The following PCGF3 variants were observed in gnomAD, a reference collection of about 807,000 sequenced individuals.
The protein encoded by PCGF3 is polycomb group ring finger 3, also known as polycomb group RING finger protein 3.
In PCGF3, 7 loss-of-function variants were observed where a neutral mutation model predicts 33.1. The observed-to-expected ratio is 0.21, with a 90% CI of 0.12 to 0.40. The LOEUF is 0.40. Among genes scored for constraint, PCGF3 ranks in the 10% least tolerant of loss-of-function variants. The pLI, the probability that PCGF3 is intolerant of heterozygous loss-of-function variation, is 1.00. For missense variants in PCGF3, 211 were observed against 313.3 expected (o/e 0.67, Z 2.46); for synonymous variants, 153 against 121.3 (o/e 1.26, Z -1.72).
At position 740,254 on chromosome 4, in the gene PCGF3, G is replaced by A. The variant is rs562649218; in HGVS notation, c.262+2733G>A. On this transcript the variant is annotated intron_variant, in intron 6 of 10. Transcript: ENST00000362003. ...GTCCTGCCCCTCCCACCTGGACTCC[G>A]GGCAGGCCCTCAACGCTGTCCCCGC... Among the ~76,000 whole-genome samples the A allele has an allele frequency of 6.4e-4, 98 of 152,342 alleles. 2 individuals are homozygous for A. In the South Asian group the frequency reaches 0.02, roughly 31 times the overall value.
intron 8 of PCGF3, among the ~76,000 whole-genome samples, chr4:752,726 C>CT (rs1487778901): frequency 6.6e-6 from 1 of 152,208 alleles, no homozygotes; most frequent in African/African-American, 2.4e-5. Flanking sequence ...CGGTTCCAGG[C>CT]CCCCGGGGTC....
At chr4:755,015 T>C (rs1744705171) in intron 8 of PCGF3, among the ~76,000 whole-genome samples, 1 of 152,236 alleles carries the variant, frequency 6.6e-6, no homozygotes, top group South Asian at 2.1e-4. Context: ...GGCCGATGTG[T>C]AGCCATAGAC....
At chr4:750,957 CTG>C (rs1390067577) in intron 8 of PCGF3, among the ~76,000 whole-genome samples, 2 of 152,134 alleles carry the variant, frequency 1.3e-5, no homozygotes, top group African/African-American at 4.8e-5. Context: ...TTTGTTTCAG[CTG>C]TGTTACGGAG....
At chr4:734,510 A>G (rs1743750749) in intron 4 of PCGF3, 1 of 1,209,532 alleles carries the variant, frequency 8.3e-7, no homozygotes, top group Non-Finnish European at 1.0e-6. Flanking sequence ...GTATTTTTAG[A>G]TATTGGTTAG....
At chr4:756,871 C>T (rs893155444) in intron 8 of PCGF3, among the ~76,000 whole-genome samples, 3 of 152,012 alleles carry the variant, frequency 2.0e-5, no homozygotes, top group Non-Finnish European at 2.9e-5. Context: ...ACTGCCATGG[C>T]GATGATCGAG....
intron 3 of PCGF3, among the ~76,000 whole-genome samples, chr4:732,772 C>T (rs1743655310): frequency 6.6e-6 from 1 of 152,230 alleles, no homozygotes; most frequent in Admixed American, 6.5e-5. Flanking sequence ...TGCTGCTCCC[C>T]TGGTGAAAGG....
At chr4:760,291 C>T (rs1026547706) in intron 8 of PCGF3, among the ~76,000 whole-genome samples, 1 of 152,134 alleles carries the variant, frequency 6.6e-6, no homozygotes, top group Non-Finnish European at 1.5e-5. Context: ...GGGCTCCCGT[C>T]TTCTCCCCTT....
At chr4:737,411 A>G in intron 5 of PCGF3, 55 bp from the exon 6 acceptor site, 16 of 1,163,050 alleles carry the variant, frequency 1.4e-5, no homozygotes, top group Non-Finnish European at 1.9e-5. Flanking sequence ...GAAAGTGTAC[A>G]AGAATTATAG....
intron 8 of PCGF3, among the ~76,000 whole-genome samples, chr4:748,036 TGAAA>T (rs1277925823): frequency 6.6e-6 from 1 of 151,938 alleles, no homozygotes; most frequent in Non-Finnish European, 1.5e-5. Flanking sequence ...GAATGTTACG[TGAAA>T]GAAAGTAAAG....
At position 721,989 on chromosome 4, in the gene PCGF3, C is replaced by G. The variant is rs1353767464; in HGVS notation, c.-189-8641C>G. ...TGGGAGGTGGATGGGTTGGGTGGCT[C>G]TGTGTGTGGGCGTGGAGAGGCCCGT... On this transcript the variant is annotated intron_variant, in intron 1 of 10. Coordinates refer to ENST00000362003, the Ensembl canonical transcript of PCGF3. The surrounding 1 kb of genome is among the most constrained non-coding windows in gnomAD (Gnocchi z 4.1). Among the ~76,000 whole-genome samples the G allele has an allele frequency of 6.6e-6, 1 of 151,948 alleles. No homozygotes were observed. Among genetic ancestry groups the G allele is most frequent in the South Asian group, 2.1e-4 (1 of 4,828 alleles).
intron 6 of PCGF3, among the ~76,000 whole-genome samples, chr4:742,540 C>T (rs140098636): frequency 4.6e-5 from 7 of 152,322 alleles, no homozygotes; most frequent in East Asian, 1.9e-4. Flanking sequence ...TGTGTGTTCC[C>T]GAGCAGTGAC....
intron 7 of PCGF3, among the ~76,000 whole-genome samples, 173 bp from the exon 8 acceptor site, chr4:744,427 G>A (rs1050324801): frequency 6.6e-6 from 1 of 152,240 alleles, no homozygotes; most frequent in African/African-American, 2.4e-5. Context: ...GCATCCTGGG[G>A]AGACCCCTGC....
At chr4:713,344 G>C (rs953173749) in intron 1 of PCGF3, among the ~76,000 whole-genome samples, 9 of 105,388 alleles carry the variant, frequency 8.5e-5, no homozygotes, top group African/African-American at 2.7e-4. Context: ...GGGGGCTGTG[G>C]CTTTGTGGGT....
At chr4:735,730 C>T (rs1231889669) in intron 5 of PCGF3, among the ~76,000 whole-genome samples, 1 of 152,260 alleles carries the variant, frequency 6.6e-6, no homozygotes, top group Non-Finnish European at 1.5e-5. Context: ...CTGCCCCTGA[C>T]ACATGGCCAA....
chr4:743,583 T>C lies in PCGF3; in HGVS notation c.372T>C (p.Asn124=), dbSNP rs36003783. 6.8e-5 allele frequency: 107 copies of C among 1,577,510 alleles called. No homozygotes were observed. In the African/African-American group the frequency reaches 1.4e-3, roughly 20 times the overall value. Residue 124 remains asparagine (N), a splice_region_variant and synonymous_variant, in exon 7 of 11, where the codon AAT becomes AAC. Transcript: ENST00000362003. ...AACAGCACTTAGATTCCCATCGGAA[T>C]GGTGAGTGCCCTGCGTGCCCATCCA... is the stretch of plus-strand genomic sequence containing the variant.
At chr4:753,129 TC>T (rs1344324460) in intron 8 of PCGF3, among the ~76,000 whole-genome samples, 1 of 152,200 alleles carries the variant, frequency 6.6e-6, no homozygotes, top group Non-Finnish European at 1.5e-5. Flanking sequence ...GCACCTTCTC[TC>T]CCAGAGCTGA....
chr4:758,644 A>G (rs1744899999), intron 8 of PCGF3, among the ~76,000 whole-genome samples: 1 of 99,658 alleles, frequency 1.0e-5, no homozygotes. Flanking sequence ...CCCTCTCCCG[A>G]GTTCTTCTCC....
chr4:726,721 GT>G (rs1048763037), intron 1 of PCGF3, among the ~76,000 whole-genome samples: 1 of 151,858 alleles, frequency 6.6e-6, no homozygotes, highest in African/African-American at 2.4e-5. Flanking sequence ...CAAGCTGACA[GT>G]TTGGCTTTTT....
chr4:710,175 C>T (rs1200839090), intron 1 of PCGF3, among the ~76,000 whole-genome samples: 1 of 152,154 alleles, frequency 6.6e-6, no homozygotes, highest in Non-Finnish European at 1.5e-5. Flanking sequence ...GTTGGGAGAC[C>T]AGGTGGGCTC....
Sources: allele counts gnomAD v4.1 joint callset (sites outside exome capture counted in the v4.1 genomes callset), GRCh38; gene constraint gnomAD v4.1.1; non-coding constraint Gnocchi (gnomAD v3.1); transcripts MANE v1.5; gene names NCBI Gene and HGNC (gene_info 2026-07-23, HGNC 2026-07-21).